GRIK1: variants seen among roughly 807,000 people sequenced by gnomAD.
The protein encoded by GRIK1 is glutamate receptor ionotropic, kainate 1.
In GRIK1, 69 loss-of-function variants were observed where a neutral mutation model predicts 105.7. The ratio of observed to expected loss-of-function variants is 0.65; its 90% CI spans 0.54 to 0.80. The LOEUF is 0.80. Among genes scored for constraint, GRIK1 ranks in the 30% least tolerant of loss-of-function variants. The pLI is 0.00. For synonymous variants in GRIK1, 438 were observed against 431.3 expected, an observed-to-expected ratio of 1.02 and a Z score of -0.19; for missense variants, 1,109 against 1,167.3, an observed-to-expected ratio of 0.95 and a Z score of 0.73.
chr21:29,848,863 C>T (rs185104697), intron 1 of GRIK1, among the ~76,000 whole-genome samples: 143 of 140,450 alleles, frequency 1.0e-3, no homozygotes, highest in African/African-American at 3.8e-3. Flanking sequence ...TGACTTGATT[C>T]TTCTTAAATG....
chr21:29,842,646 T>C (rs1023941663), intron 1 of GRIK1, among the ~76,000 whole-genome samples: 1 of 152,184 alleles, frequency 6.6e-6, no homozygotes. Context: ...CTCTTGTCAT[T>C]CTAATCAACA....
At chr21:29,731,724 A>G (rs552096598) in intron 1 of GRIK1, among the ~76,000 whole-genome samples, 25 of 152,296 alleles carry the variant, frequency 1.6e-4, no homozygotes, top group Non-Finnish European at 3.4e-4. Context: ...TTTTTTCCTT[A>G]CAAATTGATG....
intron 1 of GRIK1, among the ~76,000 whole-genome samples, chr21:29,889,045 A>G (rs1396316731): frequency 6.6e-6 from 1 of 152,222 alleles, no homozygotes; most frequent in African/African-American, 2.4e-5. Flanking sequence ...TCAAGGGCAA[A>G]AACCTTTGCA....
At chr21:29,870,315 A>G (rs1234531064) in intron 1 of GRIK1, among the ~76,000 whole-genome samples, 2 of 152,094 alleles carry the variant, frequency 1.3e-5, no homozygotes, top group African/African-American at 2.4e-5. Context: ...ATGACTAAAA[A>G]TGAAATGATT....
intron 1 of GRIK1, among the ~76,000 whole-genome samples, chr21:29,882,768 T>G (rs1290902774): frequency 6.6e-6 from 1 of 152,088 alleles, no homozygotes; most frequent in Non-Finnish European, 1.5e-5. Flanking sequence ...CTGGAAAGTT[T>G]GTTTCTATTT....
At chr21:29,834,597 C>T (rs2067729731) in intron 1 of GRIK1, among the ~76,000 whole-genome samples, 2 of 150,810 alleles carry the variant, frequency 1.3e-5, no homozygotes, top group South Asian at 2.1e-4. Flanking sequence ...GAGCTGGATT[C>T]AAATCATGGC....
At chr21:29,672,952 C>A (rs2063186988) in intron 4 of GRIK1, 31 bp downstream of exon 4, 4 of 1,514,794 alleles carry the variant, frequency 2.6e-6, no homozygotes, top group Admixed American at 2.0e-5. Flanking sequence ...ACATTTATCC[C>A]ACACCTCCAC....
At chr21:29,655,576 T>C (rs1369220776) in intron 4 of GRIK1, among the ~76,000 whole-genome samples, 1 of 152,250 alleles carries the variant, frequency 6.6e-6, no homozygotes, top group Non-Finnish European at 1.5e-5. Flanking sequence ...ACCCTCATTA[T>C]GAGTAGAACT....
intron 1 of GRIK1, among the ~76,000 whole-genome samples, chr21:29,830,666 A>G (rs913599441): frequency 2.0e-5 from 3 of 152,128 alleles, no homozygotes; most frequent in African/African-American, 7.2e-5. Flanking sequence ...AAGTTTTACA[A>G]TCTTTCACAT....
intron 3 of GRIK1, among the ~76,000 whole-genome samples, chr21:29,679,506 T>C (rs1294391595): frequency 6.6e-6 from 1 of 152,192 alleles, no homozygotes; most frequent in Non-Finnish European, 1.5e-5. Context: ...TTTTCTAGAC[T>C]CTAGACTCAG....
intron 4 of GRIK1, among the ~76,000 whole-genome samples, chr21:29,655,461 T>C (rs2146575941): frequency 6.6e-6 from 1 of 152,276 alleles, no homozygotes; most frequent in Non-Finnish European, 1.5e-5. Flanking sequence ...GAGTTGTCCA[T>C]AATGCACAGG....
At chr21:29,907,223 A>G (rs1299274527) in intron 1 of GRIK1, among the ~76,000 whole-genome samples, 3 of 152,048 alleles carry the variant, frequency 2.0e-5, no homozygotes, top group Non-Finnish European at 4.4e-5. Context: ...AAATATCAAA[A>G]ATGAAATTCA....
chr21:29,586,764 C>A (rs1407358114), intron 12 of GRIK1, among the ~76,000 whole-genome samples: 2 of 152,176 alleles, frequency 1.3e-5, no homozygotes, highest in African/African-American at 2.4e-5. Context: ...TCAATTGAAT[C>A]ATCTTAATGA....
chr21:29,825,509 C>G (rs2067427664), intron 1 of GRIK1, among the ~76,000 whole-genome samples: 1 of 151,954 alleles, frequency 6.6e-6, no homozygotes, highest in Non-Finnish European at 1.5e-5. Context: ...GATGATATAT[C>G]TTTGAATAAC....
At chr21:29,917,905 G>C (rs1427444248) in intron 1 of GRIK1, among the ~76,000 whole-genome samples, 1 of 151,890 alleles carries the variant, frequency 6.6e-6, no homozygotes, top group Non-Finnish European at 1.5e-5. Flanking sequence ...CCTAATTTCT[G>C]TTAAAAAATA....
intron 8 of GRIK1, among the ~76,000 whole-genome samples, chr21:29,597,123 A>G (rs363467): frequency 0.012 from 1,895 of 152,334 alleles, 45 homozygotes; most frequent in African/African-American, 0.043. Context: ...AGAGGCTGAC[A>G]TAAAAAGATT....
At chr21:29,678,451 G>A (rs1024073761) in intron 3 of GRIK1, among the ~76,000 whole-genome samples, 2 of 152,142 alleles carry the variant, frequency 1.3e-5, no homozygotes, top group African/African-American at 4.8e-5. Context: ...ATTCAAGAAA[G>A]TGTATTGCAC....
intron 1 of GRIK1, among the ~76,000 whole-genome samples, chr21:29,932,298 C>T (rs987401190): frequency 6.6e-6 from 1 of 152,056 alleles, no homozygotes; most frequent in African/African-American, 2.4e-5. Context: ...TAATTTGTGG[C>T]CAGTAGTTTA....
At chr21:29,922,959 C>T (rs138990090) in intron 1 of GRIK1, among the ~76,000 whole-genome samples, 294 of 152,258 alleles carry the variant, frequency 1.9e-3, no homozygotes, top group African/African-American at 6.7e-3. Context: ...AGCTAGAAAG[C>T]AATCACCCTT....
Sources: allele counts gnomAD v4.1 joint callset (sites outside exome capture counted in the v4.1 genomes callset), GRCh38; gene constraint gnomAD v4.1.1; transcripts MANE v1.5; gene names NCBI Gene and HGNC (gene_info 2026-07-23, HGNC 2026-07-21).